Variants in IL1RAPL1 observed in about 807,000 individuals in gnomAD.
IL1RAPL1 encodes interleukin-1 receptor accessory protein-like 1.
IL1RAPL1 carries 3 observed loss-of-function variants against 48.4 expected under a neutral mutation model. The observed-to-expected ratio is 0.06, with a 90% confidence interval of 0.03 to 0.16. IL1RAPL1 has a LOEUF of 0.16. IL1RAPL1 is among the 10% of genes least tolerant of loss of function. The pLI is 1.00. For synonymous variants in IL1RAPL1, 185 were observed against 187.7 expected (o/e 0.99, Z 0.12); for missense variants, 349 against 530.6 (o/e 0.66, Z 3.36).
At chrX:29,139,349 TAA>T (rs11453981) in intron 2 of IL1RAPL1, among the ~76,000 whole-genome samples, 6 of 105,455 alleles carry the variant, frequency 5.7e-5, no homozygotes, top group African/African-American at 2.1e-4. Context: ...TGGAAAAGGG[TAA>T]AAAAAAAATA....
intron 2 of IL1RAPL1, among the ~76,000 whole-genome samples, chrX:29,180,520 G>T (rs79720685): frequency 0.076 from 8,335 of 109,155 alleles, 476 homozygotes; most frequent in African/African-American, 0.19. Flanking sequence ...GGGATTACAG[G>T]CACCCACCAC....
chrX:28,759,803 G>A (rs750040955), intron 1 of IL1RAPL1, among the ~76,000 whole-genome samples: 4 of 111,622 alleles, frequency 3.6e-5, no homozygotes, highest in Non-Finnish European at 7.5e-5. Context: ...AAGGATTAGG[G>A]TGAAACCTCC....
chrX:29,807,282 C>G (rs1398163340), intron 6 of IL1RAPL1, among the ~76,000 whole-genome samples: 1 of 109,237 alleles, frequency 9.2e-6, no homozygotes, highest in African/African-American at 3.3e-5. Flanking sequence ...TAATAAATCT[C>G]TAGATAAAGC....
Position 28,665,740 on chromosome X carries a change from C to G in IL1RAPL1, c.-25+77693C>G, listed in dbSNP as rs749810600. Among the ~76,000 whole-genome samples, 27 of 111,972 alleles carry G rather than the reference C, an allele frequency of 2.4e-4. No individual in the cohort carries two copies. In the South Asian group the frequency reaches 9.3e-3, roughly 38 times the overall value. On this transcript the variant is annotated intron_variant, in intron 1 of 10. Coordinates refer to ENST00000378993, the MANE Select transcript of IL1RAPL1 (RefSeq NM_014271.4). The stretch of plus-strand genomic sequence containing the variant: ...TCCTGACCTCAGGTGATCCACCTGC[C>G]TAAGCCTCCCACAGTGCTGGGATTA...
intron 2 of IL1RAPL1, among the ~76,000 whole-genome samples, chrX:28,814,467 A>G (rs1327559464): frequency 1.8e-5 from 2 of 108,593 alleles, no homozygotes; most frequent in African/African-American, 6.7e-5. Flanking sequence ...AGAGCTCATC[A>G]TGCTGTCATC....
chrX:28,707,348 T>C (rs977794285), intron 1 of IL1RAPL1, among the ~76,000 whole-genome samples: 1 of 112,181 alleles, frequency 8.9e-6, no homozygotes, highest in African/African-American at 3.2e-5. Flanking sequence ...CTCTGAGATG[T>C]GTTCTATATT....
intron 5 of IL1RAPL1, among the ~76,000 whole-genome samples, chrX:29,454,752 G>A (rs1220534315): frequency 9.1e-6 from 1 of 109,881 alleles, no homozygotes; most frequent in African/African-American, 3.3e-5. Flanking sequence ...CCACCAATGA[G>A]AGATGCCATC....
At chrX:29,109,141 C>CA (rs1227693001) in intron 2 of IL1RAPL1, among the ~76,000 whole-genome samples, 5 of 109,523 alleles carry the variant, frequency 4.6e-5, no homozygotes, top group East Asian at 5.7e-4. Flanking sequence ...AGAACATATT[C>CA]AAAAAAAAGC....
intron 6 of IL1RAPL1, among the ~76,000 whole-genome samples, chrX:29,764,134 C>A (rs1213740149): frequency 9.0e-6 from 1 of 111,248 alleles, no homozygotes; most frequent in Non-Finnish European, 1.9e-5. Flanking sequence ...TTAAAATAAT[C>A]TTTGCATTGT....
chrX:28,920,061 C>T (rs777697349), intron 2 of IL1RAPL1, among the ~76,000 whole-genome samples: 1 of 111,857 alleles, frequency 8.9e-6, no homozygotes, highest in African/African-American at 3.2e-5. Flanking sequence ...CTGGGGGATA[C>T]AATGTACAAC....
At chrX:29,441,065 GTTA>G (rs1258174755) in intron 5 of IL1RAPL1, among the ~76,000 whole-genome samples, 1 of 110,083 alleles carries the variant, frequency 9.1e-6, no homozygotes, top group African/African-American at 3.3e-5. Context: ...TTTTTCTTCT[GTTA>G]TTATCTACTT....
intron 2 of IL1RAPL1, among the ~76,000 whole-genome samples, chrX:29,128,818 AT>A (rs1928953346): frequency 9.0e-6 from 1 of 111,051 alleles, no homozygotes. Flanking sequence ...TAATAAACAC[AT>A]TAAGTGTTTA....
At chrX:29,079,437 G>A (rs1196699616) in intron 2 of IL1RAPL1, among the ~76,000 whole-genome samples, 2 of 110,369 alleles carry the variant, frequency 1.8e-5, no homozygotes, top group Non-Finnish European at 3.8e-5. Context: ...ACTTTTCCGG[G>A]GGACACCATT....
At chrX:29,772,144 G>A (rs368224621) in intron 6 of IL1RAPL1, among the ~76,000 whole-genome samples, 1 of 109,075 alleles carries the variant, frequency 9.2e-6, no homozygotes, top group East Asian at 2.9e-4. Context: ...ACCTGTACTC[G>A]GGAGACTGAG....
At chrX:29,578,531 A>G (rs1323506553) in intron 5 of IL1RAPL1, among the ~76,000 whole-genome samples, 1 of 112,072 alleles carries the variant, frequency 8.9e-6, no homozygotes, top group Admixed American at 9.5e-5. Context: ...TTCAGTAGGA[A>G]GTTGGCTTCC....
intron 1 of IL1RAPL1, among the ~76,000 whole-genome samples, chrX:28,644,409 ATT>A (rs767878814): frequency 2.7e-5 from 3 of 111,864 alleles, no homozygotes; most frequent in Non-Finnish European, 5.6e-5. Context: ...AGTTCACCTG[ATT>A]CTGGAAAAGA....
At chrX:28,592,715 T>C (rs1222919517) in intron 1 of IL1RAPL1, among the ~76,000 whole-genome samples, 1 of 111,858 alleles carries the variant, frequency 8.9e-6, no homozygotes, top group South Asian at 3.7e-4. Flanking sequence ...TGTAATAAAT[T>C]AGTAGTCCTG....
chrX:29,459,807 T>C (rs768508883), intron 5 of IL1RAPL1, among the ~76,000 whole-genome samples: 22 of 112,060 alleles, frequency 2.0e-4, no homozygotes, highest in Non-Finnish European at 3.4e-4. Context: ...CTAAAGAATC[T>C]AATGCATTGC....
intron 1 of IL1RAPL1, among the ~76,000 whole-genome samples, chrX:28,661,391 G>A (rs921460732): frequency 2.9e-5 from 3 of 104,631 alleles, no homozygotes; most frequent in Non-Finnish European, 4.0e-5. Context: ...GTAAATGCTG[G>A]TGATATATTA....
Sources: allele counts gnomAD v4.1 joint callset (sites outside exome capture counted in the v4.1 genomes callset), GRCh38; gene constraint gnomAD v4.1.1; transcripts MANE v1.5; gene names NCBI Gene and HGNC (gene_info 2026-07-23, HGNC 2026-07-21).